HEATR5A: variants seen among roughly 807,000 people sequenced by gnomAD.
HEATR5A encodes HEAT repeat-containing protein 5A.
A neutral mutation model predicts 218.8 loss-of-function variants in HEATR5A; 178 were observed. That is an observed-to-expected ratio of 0.81 (90% CI 0.72 to 0.92). The LOEUF is 0.92. HEATR5A is among the 40% of genes least tolerant of loss of function. The pLI, the probability that HEATR5A is intolerant of heterozygous loss-of-function variation, is 0.00. For missense variants in HEATR5A, 2,420 were observed against 2,418.9 expected (o/e 1.00, Z -0.01); for synonymous variants, 864 against 871.6 (o/e 0.99, Z 0.15).
chr14:31,395,136 C>A, intron 5 of HEATR5A, 63 bp downstream of exon 5: 1 of 1,139,664 alleles, frequency 8.8e-7, no homozygotes, highest in Non-Finnish European at 1.2e-6. Context: ...AATGCTTTCA[C>A]AAAGAAGCTG....
chr14:31,309,518 G>C (rs2139144110), intron 28 of HEATR5A, among the ~76,000 whole-genome samples: 1 of 152,224 alleles, frequency 6.6e-6, no homozygotes, highest in South Asian at 2.1e-4. Context: ...TTTTTACTGG[G>C]AGTACAACTG....
chr14:31,348,831 C>G (rs1342549391), intron 18 of HEATR5A, among the ~76,000 whole-genome samples: 1 of 152,116 alleles, frequency 6.6e-6, no homozygotes, highest in Non-Finnish European at 1.5e-5. Context: ...CTGACTCCAT[C>G]CTTCAAATCA....
At chr14:31,374,301 CAAA>C (rs34427206) in intron 12 of HEATR5A, among the ~76,000 whole-genome samples, 308 of 92,074 alleles carry the variant, frequency 3.3e-3, no homozygotes, top group African/African-American at 8.9e-3. Context: ...GACCCTATCT[CAAA>C]AAAAAAAAAA....
Position 31,302,352 on chromosome 14 carries a change from C to T in HEATR5A, c.5407G>A (p.Ala1803Thr). Residue 1803 changes from alanine to threonine, a missense_variant, in exon 33 of 36, where the codon GCT (alanine) becomes ACT (threonine). By Grantham distance (58) the Ala-to-Thr change is moderately conservative. Transcript: ENST00000543095. Reference protein sequence around the residue: ...PMARAEKSRTAWTDLLRSALT... With the variant: ...PMARAEKSRTTWTDLLRSALT... The stretch of plus-strand genomic sequence containing the variant: ...GCACTTCGGAGAAGGTCAGTCCAAG[C>T]AGTACGGCTCTTTTCTGCCCGGGCC... The T allele has an allele frequency of 6.2e-7, 1 of 1,604,682 alleles. No homozygotes were observed. Among genetic ancestry groups the T allele is most frequent in the Non-Finnish European group, 8.5e-7 (1 of 1,175,514 alleles).
intron 22 of HEATR5A, among the ~76,000 whole-genome samples, chr14:31,326,634 C>T (rs915562626): frequency 2.0e-5 from 3 of 152,044 alleles, no homozygotes; most frequent in Admixed American, 6.6e-5. Context: ...GTGTCCAATA[C>T]TTACAAAATT....
intron 22 of HEATR5A, among the ~76,000 whole-genome samples, chr14:31,330,076 T>G (rs1005172707): frequency 6.6e-6 from 1 of 152,212 alleles, no homozygotes; most frequent in Non-Finnish European, 1.5e-5. Flanking sequence ...GTGTGGGGGC[T>G]CTGACCCTTC....
At chr14:31,298,422 G>A (rs1480355887) in intron 33 of HEATR5A, among the ~76,000 whole-genome samples, 2 of 152,046 alleles carry the variant, frequency 1.3e-5, no homozygotes, top group East Asian at 3.9e-4. Context: ...TTTTGTGTGT[G>A]AGATGAAAGA....
intron 1 of HEATR5A, among the ~76,000 whole-genome samples, chr14:31,410,945 T>A (rs999019684): frequency 6.6e-6 from 1 of 152,186 alleles, no homozygotes; most frequent in Admixed American, 6.5e-5. Context: ...TTGGCTATCA[T>A]TAGTTAAAAA....
At position 31,302,508 on chromosome 14, in the gene HEATR5A, T is replaced by A. The variant is rs750524685; in HGVS notation, c.5251A>T (p.Ile1751Phe). ...GTGAGGTACAATATAGTAGGGAGAA[T>A]TGAGATGCTTCCTGTAAGATACATT... Reference protein sequence around the residue: ...AVCSPEGSISILPTILYLTIG... With the variant: ...AVCSPEGSISFLPTILYLTIG... Residue 1751 changes from isoleucine to phenylalanine, a missense_variant, in exon 33 of 36, where the codon ATT becomes TTT. Physicochemically the swap from Ile to Phe is conservative, Grantham distance 21. Coordinates refer to ENST00000543095, the MANE Select transcript of HEATR5A (RefSeq NM_015473.4). 1.3e-6 allele frequency: 2 copies of A among 1,570,022 alleles called. No individual in the cohort carries two copies. The highest frequency in any genetic ancestry group is 1.7e-6 in the Non-Finnish European group (2 of 1,155,028).
chr14:31,296,145 A>T, intron 33 of HEATR5A, 82 bp from the exon 34 acceptor site: 1 of 1,177,628 alleles, frequency 8.5e-7, no homozygotes. Context: ...TTTGGTAGTA[A>T]CAGTTTGGTG....
chr14:31,321,494 C>A lies in HEATR5A; in HGVS notation c.3969+5G>T, dbSNP rs1172998065. ...TAATAAAATTCTCTAAAAGAAAGTG[C>A]TTACATTGGCTTGATACTGTTCCAG... On this transcript the variant is annotated splice_donor_5th_base_variant and intron_variant, in intron 25 of 35. Coordinates refer to ENST00000543095, the MANE Select transcript of HEATR5A (RefSeq NM_015473.4). The A allele has an allele frequency of 6.4e-7, 1 of 1,569,164 alleles. No homozygotes were observed. Among genetic ancestry groups the A allele is most frequent in the Admixed American group, 1.9e-5 (1 of 52,364 alleles).
At chr14:31,354,592 T>C (rs903092293) in intron 16 of HEATR5A, among the ~76,000 whole-genome samples, 61 of 152,304 alleles carry the variant, frequency 4.0e-4, no homozygotes, top group African/African-American at 1.4e-3. Context: ...ATAAGTAGTA[T>C]CAATTATAAC....
chr14:31,313,293 C>T, intron 27 of HEATR5A, 103 bp from the exon 28 acceptor site: 1 of 830,566 alleles, frequency 1.2e-6, no homozygotes, highest in Admixed American at 2.3e-5. Context: ...TTTGAGCATA[C>T]TGGACTTGAA....
At chr14:31,308,092 A>G (rs1174854577) in intron 29 of HEATR5A, 72 bp from the exon 30 acceptor site, 2 of 1,386,384 alleles carry the variant, frequency 1.4e-6, no homozygotes, top group East Asian at 2.5e-5. Context: ...AATTAATCTT[A>G]TATTTTGGTA....
intron 33 of HEATR5A, among the ~76,000 whole-genome samples, chr14:31,301,903 C>T (rs915115500): frequency 6.6e-6 from 1 of 150,518 alleles, no homozygotes; most frequent in Non-Finnish European, 1.5e-5. Context: ...CTGAAACCTC[C>T]ACCTCCAGGG....
chr14:31,358,286 A>G (rs1901495359), intron 16 of HEATR5A, among the ~76,000 whole-genome samples: 1 of 152,214 alleles, frequency 6.6e-6, no homozygotes, highest in South Asian at 2.1e-4. Context: ...AATGGTTCCA[A>G]AAAATTTCCA....
At chr14:31,332,394 A>T (rs983022011) in intron 22 of HEATR5A, among the ~76,000 whole-genome samples, 7 of 152,146 alleles carry the variant, frequency 4.6e-5, no homozygotes, top group Admixed American at 3.9e-4. Flanking sequence ...ATTTTCTGAG[A>T]CACAACAGTA....
At chr14:31,328,404 G>C (rs764773995) in intron 22 of HEATR5A, among the ~76,000 whole-genome samples, 55 of 152,132 alleles carry the variant, frequency 3.6e-4, no homozygotes, top group Non-Finnish European at 3.5e-4. Context: ...CTTAGATTTA[G>C]GTGGCAGTGA....
chr14:31,394,651 T>C (rs1021161433), intron 5 of HEATR5A, among the ~76,000 whole-genome samples: 1 of 151,702 alleles, frequency 6.6e-6, no homozygotes, highest in South Asian at 2.1e-4. Flanking sequence ...CCGTCTCTAC[T>C]AAAAATACAA....
Sources: gnomAD v4.1 joint callset for allele counts (sites outside exome capture counted in the v4.1 genomes callset) on GRCh38, gnomAD v4.1.1 for gene constraint, MANE v1.5 for transcripts, NCBI Gene and HGNC (gene_info 2026-07-23, HGNC 2026-07-21) for gene names.